Variants in RRM2 observed in about 807,000 individuals in gnomAD.
RRM2 encodes ribonucleotide reductase regulatory subunit M2.
In RRM2, 6 loss-of-function variants were observed where a neutral mutation model predicts 45.9. The ratio of observed to expected loss-of-function variants is 0.13; its 90% CI spans 0.07 to 0.26. The LOEUF (loss-of-function observed/expected upper bound fraction) is 0.26, where lower values mean the gene tolerates loss of function less well. RRM2 is among the 10% of genes least tolerant of loss of function. RRM2 has a pLI of 1.00. For synonymous variants in RRM2, 177 were observed against 173.0 expected, an observed-to-expected ratio of 1.02 and a Z score of -0.18; for missense variants, 343 against 489.5, an observed-to-expected ratio of 0.70 and a Z score of 2.82.
At chr2:10,137,444 G>C (rs1558384267), upstream of RRM2, among the ~76,000 whole-genome samples, 1 of 152,248 alleles carries the variant, frequency 6.6e-6, no homozygotes, top group Non-Finnish European at 1.5e-5. Context: ...CTGTGGTAGT[G>C]GGGGAGGGTG....
Position 10,129,615 on chromosome 2 carries a change from A to G in RRM2, c.*229A>G, listed in dbSNP as rs1662855495. ...GCTGTGACTTACCATAGCAGTGACA[A>G]TGGCAGTCTTGGCTTTAAAGTGAGG... is the stretch of plus-strand genomic sequence containing the variant. On this transcript the variant is annotated 3_prime_UTR_variant, in exon 10 of 10. Transcript: ENST00000304567. This position sits in a 1 kb window ranked among gnomAD's most constrained non-coding sequence, Gnocchi z 4.8. The G allele has an allele frequency of 1.9e-6, 1 of 531,016 alleles. No homozygotes were observed. Among genetic ancestry groups the G allele is most frequent in the Admixed American group, 3.6e-5 (1 of 27,848 alleles). The allele number at this position is 531,016 out of a possible 1,614,324, so 32.9% of individuals were successfully genotyped here.
At position 10,128,829 on chromosome 2, in the gene RRM2, C is replaced by A; in HGVS notation, c.799-19C>A. ...ACAGAAGTCTTCTGGCTTTAGTGAT[C>A]TTGAACTTTTTTTTCTAGGGTTTAC... is the stretch of plus-strand genomic sequence containing the variant. On this transcript the variant is annotated intron_variant, in intron 7 of 9. Transcript: ENST00000304567. 2 of 1,587,130 alleles carry A rather than the reference C, an allele frequency of 1.3e-6. No homozygotes were observed. Among genetic ancestry groups the A allele is most frequent in the Non-Finnish European group, 1.7e-6 (2 of 1,155,782 alleles).
At chr2:10,134,703 C>G (rs998910329), downstream of RRM2, among the ~76,000 whole-genome samples, 3 of 152,184 alleles carry the variant, frequency 2.0e-5, no homozygotes. Flanking sequence ...AGCATAACTA[C>G]TAGAGTTCAG....
rs35438376 is a variant in RRM2, at chr2:10,169,147, ATTT to A, written n.482+26785_482+26787del. 2.9e-5 allele frequency among the ~76,000 whole-genome samples: 4 copies of A among 137,566 alleles called. No homozygotes were observed. Among genetic ancestry groups the A allele is most frequent in the Admixed American group, 7.4e-5 (1 of 13,538 alleles). 90.2% of individuals were successfully genotyped at this position (137,566 alleles called of 152,430 possible). A position where few individuals can be genotyped will look rare whatever the true frequency, so the allele number is the denominator to read the frequency against. On this transcript the variant is annotated intron_variant and non_coding_transcript_variant, in intron 3 of 3. Transcript: ENST00000381786. The surrounding 1 kb of genome is among the most constrained non-coding windows in gnomAD (Gnocchi z 5.1). ...GTCACCATGCCCAGCTACTTTTTGT[ATTT>A]TTTTTTTTTTTTGTAGAGATGGGGT...
chr2:10,139,645 C>T (rs1299433620), upstream of RRM2, among the ~76,000 whole-genome samples: 1 of 152,214 alleles, frequency 6.6e-6, no homozygotes, highest in Non-Finnish European at 1.5e-5. Context: ...AAATGAGGTG[C>T]TGAGCCATCT....
chr2:10,183,234 G>T (rs545050296), intron 3 of RRM2, among the ~76,000 whole-genome samples: 1 of 152,180 alleles, frequency 6.6e-6, no homozygotes, highest in Non-Finnish European at 1.5e-5. Context: ...GCCAAAGAGC[G>T]GCAGCACTGG....
At chr2:10,193,043 C>G (rs899755174) in intron 3 of RRM2, among the ~76,000 whole-genome samples, 2 of 152,190 alleles carry the variant, frequency 1.3e-5, no homozygotes, top group East Asian at 1.9e-4. Flanking sequence ...CTCTGAGCAG[C>G]CCCTAGTCTT....
chr2:10,162,980 A>T (rs1328992763), intron 3 of RRM2, among the ~76,000 whole-genome samples: 1 of 152,208 alleles, frequency 6.6e-6, no homozygotes. Context: ...CAGAGTCTGC[A>T]CGGGGCTGCC....
At chr2:10,142,231 A>G (rs1298352658) in intron 2 of RRM2, 3 of 1,520,282 alleles carry the variant, frequency 2.0e-6, no homozygotes, top group Non-Finnish European at 1.8e-6. Context: ...GACCCAGGTA[A>G]AGAGTCTGGA....
intron 3 of RRM2, among the ~76,000 whole-genome samples, chr2:10,151,401 G>A (rs1361078099): frequency 6.6e-6 from 1 of 150,786 alleles, no homozygotes; most frequent in African/African-American, 2.4e-5. Context: ...TGGTTCAAGC[G>A]ATTCTCCTGC....
At chr2:10,194,492 A>G (rs1267058664) in intron 3 of RRM2, among the ~76,000 whole-genome samples, 3 of 152,158 alleles carry the variant, frequency 2.0e-5, no homozygotes, top group African/African-American at 7.2e-5. Context: ...AGGCCTGTGC[A>G]GGGCAGGTTG....
intron 3 of RRM2, among the ~76,000 whole-genome samples, chr2:10,162,679 C>T (rs980679344): frequency 4.0e-5 from 6 of 150,258 alleles, no homozygotes; most frequent in Non-Finnish European, 7.4e-5. Flanking sequence ...TGCACCCCCC[C>T]GCCGCCCCCC....
chr2:10,166,496 C>T (rs373820158), intron 3 of RRM2, among the ~76,000 whole-genome samples: 3 of 152,350 alleles, frequency 2.0e-5, no homozygotes, highest in East Asian at 3.9e-4. Flanking sequence ...GCGTGTGCTC[C>T]CTGCTGTCTG....
intron 3 of RRM2, among the ~76,000 whole-genome samples, chr2:10,174,494 G>A (rs1332400643): frequency 6.6e-6 from 1 of 151,558 alleles, no homozygotes; most frequent in Admixed American, 6.6e-5. Flanking sequence ...GGGGTGGAGT[G>A]AGAGTGAGGA....
chr2:10,156,637 G>A (rs1663431880), intron 3 of RRM2, among the ~76,000 whole-genome samples: 1 of 152,220 alleles, frequency 6.6e-6, no homozygotes. Context: ...GTGAGGGACT[G>A]CTTGATTGAT....
chr2:10,186,252 A>G (rs899434938), intron 3 of RRM2, among the ~76,000 whole-genome samples: 1 of 151,782 alleles, frequency 6.6e-6, no homozygotes, highest in Non-Finnish European at 1.5e-5. Context: ...TTCTGAGGCA[A>G]TTCTCCTGCC....
In RRM2 at chr2:10,205,304, C is replaced by T. The variant is rs117127064; in HGVS notation, n.483-5007C>T. On this transcript the variant is annotated intron_variant and non_coding_transcript_variant, in intron 3 of 3. Transcript: ENST00000381786. This position sits in a 1 kb window ranked among gnomAD's most constrained non-coding sequence, Gnocchi z 4.8. ...GCTTGAATGGGGCCTGTGATATCTGCGGCCAGTGCCCTCGGTATGTCCCAC... is the reference window on the plus strand; with the variant it reads ...GCTTGAATGGGGCCTGTGATATCTGTGGCCAGTGCCCTCGGTATGTCCCAC... 2.6e-5 allele frequency among the ~76,000 whole-genome samples: 4 copies of T among 152,304 alleles called. No homozygotes were observed. The highest frequency in any genetic ancestry group is 3.9e-4 in the East Asian group (2 of 5,182).
At chr2:10,141,063 G>A (rs956940959), upstream of RRM2, among the ~76,000 whole-genome samples, 2 of 152,170 alleles carry the variant, frequency 1.3e-5, no homozygotes, top group Non-Finnish European at 2.9e-5. Flanking sequence ...CGGGGCCCAC[G>A]TTGTGAGTTG....
At chr2:10,155,548 T>C (rs1663405905) in intron 3 of RRM2, 1 of 152,358 alleles carries the variant, frequency 6.6e-6, no homozygotes, top group Non-Finnish European at 1.5e-5. Flanking sequence ...GTGGGGTGGG[T>C]ATCTGGTCTC....
Sources: allele counts gnomAD v4.1 joint callset (sites outside exome capture counted in the v4.1 genomes callset), GRCh38; gene constraint gnomAD v4.1.1; non-coding constraint Gnocchi (gnomAD v3.1); transcripts MANE v1.5; gene names NCBI Gene and HGNC (gene_info 2026-07-23, HGNC 2026-07-21).